The following GRM5 variants were observed in gnomAD, a reference collection of about 807,000 sequenced individuals.
GRM5 encodes glutamate metabotropic receptor 5.
GRM5 carries 19 observed loss-of-function variants against 83.1 expected under a neutral mutation model. The observed-to-expected ratio is 0.23, with a 90% CI of 0.16 to 0.34. The LOEUF (loss-of-function observed/expected upper bound fraction) is 0.34, where lower values mean the gene tolerates loss of function less well. Ranked by LOEUF, GRM5 falls within the 10% of genes least tolerant of loss-of-function variation. GRM5 has a pLI of 1.00. For synonymous variants in GRM5, 675 were observed against 633.6 expected (o/e 1.07, Z -0.98); for missense variants, 1,160 against 1,588.3 (o/e 0.73, Z 4.58).
chr11:88,964,896 C>T lies in GRM5; in HGVS notation c.661+82316G>A, dbSNP rs1480534959. Among the ~76,000 whole-genome samples the T allele has an allele frequency of 2.0e-5, 3 of 152,088 alleles. No individual in the cohort carries two copies. In the South Asian group the frequency reaches 6.2e-4, roughly 31 times the overall value. On this transcript the variant is annotated intron_variant, in intron 2 of 9. Coordinates refer to ENST00000305447, the MANE Select transcript of GRM5 (RefSeq NM_001143831.3). Reference sequence around the variant, plus strand: ...TGCAAATTGAAAGATAATAGAATGACATCTTTAAAGTGCTGAAAGAAAAAC... The same window carrying T: ...TGCAAATTGAAAGATAATAGAATGATATCTTTAAAGTGCTGAAAGAAAAAC...
chr11:88,581,454 C>G (rs1943211802), intron 7 of GRM5, among the ~76,000 whole-genome samples: 1 of 152,162 alleles, frequency 6.6e-6, no homozygotes, highest in Non-Finnish European at 1.5e-5. Context: ...TGAACATGGG[C>G]ATGTTTGACT....
Position 88,626,381 on chromosome 11 carries a change from A to G in GRM5, c.1148-21417T>C, listed in dbSNP as rs551248952. The stretch of plus-strand genomic sequence containing the variant: ...AAACCTTCTGGCAATAAGAGTTTGC[A>G]CTTAGTTTATAAATGCACAAACCTC... On this transcript the variant is annotated intron_variant, in intron 4 of 9. Transcript: ENST00000305447. Among the ~76,000 whole-genome samples, 3 of 151,756 alleles carry G rather than the reference A, an allele frequency of 2.0e-5. No homozygotes were observed. The South Asian group carries it at 6.2e-4, about 31-fold the overall frequency.
intron 3 of GRM5, among the ~76,000 whole-genome samples, chr11:88,689,861 G>A (rs1028436257): frequency 6.6e-6 from 1 of 152,128 alleles, no homozygotes; most frequent in Non-Finnish European, 1.5e-5. Context: ...CTAAGCCAGG[G>A]GGGTATAAAC....
chr11:88,631,056 C>A (rs958862674), intron 4 of GRM5, among the ~76,000 whole-genome samples: 1 of 152,082 alleles, frequency 6.6e-6, no homozygotes, highest in African/African-American at 2.4e-5. Flanking sequence ...GTGACACTGG[C>A]AATTACTGAA....
At chr11:88,662,778 T>C (rs1289934139) in intron 3 of GRM5, among the ~76,000 whole-genome samples, 3 of 152,086 alleles carry the variant, frequency 2.0e-5, no homozygotes, top group Non-Finnish European at 4.4e-5. Flanking sequence ...CTCTCAGAAA[T>C]GAGTATGGCC....
At chr11:88,896,118 T>C (rs1945224974) in intron 2 of GRM5, among the ~76,000 whole-genome samples, 1 of 151,920 alleles carries the variant, frequency 6.6e-6, no homozygotes, top group African/African-American at 2.4e-5. Context: ...ACTTACACAA[T>C]AACTACTCCA....
intron 8 of GRM5, among the ~76,000 whole-genome samples, chr11:88,544,327 T>C (rs1942342797): frequency 6.6e-6 from 1 of 152,194 alleles, no homozygotes; most frequent in South Asian, 2.1e-4. Context: ...AGACAAGCCT[T>C]GCTTTCCTGT....
intron 3 of GRM5, among the ~76,000 whole-genome samples, chr11:88,708,089 A>G (rs1006494784): frequency 6.6e-6 from 1 of 152,110 alleles, no homozygotes; most frequent in Non-Finnish European, 1.5e-5. Context: ...CTATGTCACT[A>G]CTATAAATGT....
At chr11:88,798,504 T>G (rs1339653762) in intron 3 of GRM5, among the ~76,000 whole-genome samples, 3 of 152,042 alleles carry the variant, frequency 2.0e-5, no homozygotes, top group Non-Finnish European at 4.4e-5. Context: ...AGGTCTTAAA[T>G]GAAAAGCTGG....
intron 4 of GRM5, among the ~76,000 whole-genome samples, chr11:88,640,788 AGGGGTGTG>A (rs1168787695): frequency 6.6e-6 from 1 of 152,094 alleles, no homozygotes; most frequent in African/African-American, 2.4e-5. Context: ...GTATAGGGGG[AGGGGTGTG>A]GAGCTTCCAC....
chr11:88,984,184 C>T (rs192762084), intron 2 of GRM5, among the ~76,000 whole-genome samples: 1 of 152,252 alleles, frequency 6.6e-6, no homozygotes, highest in East Asian at 1.9e-4. Context: ...CCTAGGTCTT[C>T]ACATTCACTT....
chr11:88,987,032 C>A (rs187813609), intron 2 of GRM5, among the ~76,000 whole-genome samples: 21 of 152,110 alleles, frequency 1.4e-4, no homozygotes, highest in African/African-American at 4.8e-4. Flanking sequence ...GGAACAGCTC[C>A]GGTCTACAGC....
At chr11:88,839,818 C>T (rs1944163717) in intron 3 of GRM5, among the ~76,000 whole-genome samples, 1 of 152,168 alleles carries the variant, frequency 6.6e-6, no homozygotes, top group Non-Finnish European at 1.5e-5. Flanking sequence ...TTACAAATAA[C>T]ATAATCAGTT....
At chr11:88,551,920 G>A (rs1942519027) in intron 8 of GRM5, among the ~76,000 whole-genome samples, 1 of 152,142 alleles carries the variant, frequency 6.6e-6, no homozygotes, top group South Asian at 2.1e-4. Flanking sequence ...CTGGTAGGAA[G>A]ATATTTAGGC....
intron 8 of GRM5, among the ~76,000 whole-genome samples, chr11:88,564,346 C>T (rs77970863): frequency 0.013 from 1,943 of 152,264 alleles, 44 homozygotes; most frequent in African/African-American, 0.044. Context: ...TTAGAATTTC[C>T]GTTTTCTAGT....
intron 1 of GRM5, among the ~76,000 whole-genome samples, chr11:89,048,946 A>G (rs540399152): frequency 6.4e-4 from 97 of 152,336 alleles, no homozygotes; most frequent in African/African-American, 2.2e-3. Flanking sequence ...ATGGGAATCA[A>G]TACAAGATAT....
At chr11:88,980,659 A>G (rs762333515) in intron 2 of GRM5, among the ~76,000 whole-genome samples, 88 of 151,938 alleles carry the variant, frequency 5.8e-4, no homozygotes, top group South Asian at 6.2e-4. Context: ...CGTCTCTACT[A>G]AAAAACACAA....
chr11:88,973,339 T>A (rs1413828359), intron 2 of GRM5, among the ~76,000 whole-genome samples: 1 of 152,182 alleles, frequency 6.6e-6, no homozygotes, highest in East Asian at 1.9e-4. Flanking sequence ...AGTGTTGTCA[T>A]ATAACAAATA....
chr11:88,959,715 C>A (rs1938727082), intron 2 of GRM5, among the ~76,000 whole-genome samples: 1 of 152,070 alleles, frequency 6.6e-6, no homozygotes, highest in Non-Finnish European at 1.5e-5. Context: ...AGATATTGAC[C>A]TTAGTTGAGT....
Sources: gnomAD v4.1 joint callset for allele counts (sites outside exome capture counted in the v4.1 genomes callset) on GRCh38, gnomAD v4.1.1 for gene constraint, MANE v1.5 for transcripts, NCBI Gene and HGNC (gene_info 2026-07-23, HGNC 2026-07-21) for gene names.